ERBB4: variants seen among roughly 807,000 people sequenced by gnomAD.
The protein encoded by ERBB4 is receptor tyrosine-protein kinase erbB-4.
Under a neutral mutation model 158.0 loss-of-function variants are expected in ERBB4, and 42 were observed. The observed-to-expected ratio is 0.27, with a 90% CI of 0.21 to 0.34. ERBB4 has a LOEUF of 0.34. Ranked by LOEUF, ERBB4 falls within the 10% of genes least tolerant of loss-of-function variation. The pLI is 1.00. For synonymous variants in ERBB4, 583 were observed against 558.7 expected (o/e 1.04, Z -0.61); for missense variants, 1,333 against 1,624.1 (o/e 0.82, Z 3.08).
At chr2:211,941,420 G>C (rs2080493029) in intron 3 of ERBB4, among the ~76,000 whole-genome samples, 1 of 152,086 alleles carries the variant, frequency 6.6e-6, no homozygotes, top group South Asian at 2.1e-4. Flanking sequence ...GGTAGTTGAA[G>C]AATGCTTAGC....
At chr2:211,962,427 A>C (rs1028369918) in intron 2 of ERBB4, among the ~76,000 whole-genome samples, 1 of 152,168 alleles carries the variant, frequency 6.6e-6, no homozygotes, top group Non-Finnish European at 1.5e-5. Flanking sequence ...GAGAGAGCCT[A>C]GTGTTGTTCA....
intron 2 of ERBB4, among the ~76,000 whole-genome samples, chr2:212,025,885 A>G (rs2076761425): frequency 6.6e-6 from 1 of 151,640 alleles, no homozygotes. Flanking sequence ...ATTTTCTAAA[A>G]TGTGTTATAT....
chr2:212,271,447 G>A (rs2085340307), intron 1 of ERBB4, among the ~76,000 whole-genome samples: 1 of 151,570 alleles, frequency 6.6e-6, no homozygotes, highest in Non-Finnish European at 1.5e-5. Flanking sequence ...GGAAAATGAT[G>A]CCAAAAGTTA....
intron 20 of ERBB4, among the ~76,000 whole-genome samples, chr2:211,504,426 G>A (rs1026899716): frequency 3.4e-4 from 52 of 151,512 alleles, no homozygotes; most frequent in African/African-American, 1.2e-3. Context: ...ATGTGCAACA[G>A]CTAAACCCTC....
chr2:211,488,988 A>G (rs946948420), intron 20 of ERBB4, among the ~76,000 whole-genome samples: 7 of 152,096 alleles, frequency 4.6e-5, no homozygotes, highest in African/African-American at 1.7e-4. Context: ...CATTAGAGGT[A>G]AATATTTATC....
chr2:212,423,603 C>CAT (rs1269070871), intron 1 of ERBB4, among the ~76,000 whole-genome samples: 1 of 152,102 alleles, frequency 6.6e-6, no homozygotes, highest in Non-Finnish European at 1.5e-5. Context: ...AGTGTACAAA[C>CAT]ATATATATGA....
At chr2:211,611,407 A>AGCTTTACTTTTGGTTTC (rs2069190499) in intron 19 of ERBB4, among the ~76,000 whole-genome samples, 1 of 145,618 alleles carries the variant, frequency 6.9e-6, no homozygotes, top group African/African-American at 2.6e-5. Flanking sequence ...AAGGTGTGGA[A>AGCTTTACTTTTGGTTTC]GCTTTACTTT....
intron 5 of ERBB4, among the ~76,000 whole-genome samples, chr2:211,732,907 G>A (rs1202371420): frequency 1.3e-5 from 2 of 152,194 alleles, no homozygotes; most frequent in African/African-American, 4.8e-5. Flanking sequence ...AACCCGGGAG[G>A]CGGAGGTTGC....
chr2:211,770,395 C>T lies in ERBB4; in HGVS notation c.556+17630G>A, dbSNP rs183965920. Among the ~76,000 whole-genome samples the T allele has an allele frequency of 8.7e-4, 132 of 152,234 alleles. 2 individuals carry two copies. Among genetic ancestry groups the T allele is most frequent in the African/African-American group, 3.0e-3 (125 of 41,536 alleles). ...TCTCTAATTCTTTTTTAAAAACTCA[C>T]CATTTTAAAAAATGTTAGGAGTTAC... On this transcript the variant is annotated intron_variant, in intron 4 of 27. Coordinates refer to ENST00000342788, the MANE Select transcript of ERBB4 (RefSeq NM_005235.3).
intron 1 of ERBB4, among the ~76,000 whole-genome samples, chr2:212,241,193 G>C (rs1370975085): frequency 6.6e-6 from 1 of 151,996 alleles, no homozygotes; most frequent in Non-Finnish European, 1.5e-5. Flanking sequence ...GGAGGTTGAG[G>C]CTGCAGCGGG....
At chr2:211,722,617 T>C in intron 6 of ERBB4, 83 bp from the exon 7 acceptor site, 1 of 1,355,508 alleles carries the variant, frequency 7.4e-7, no homozygotes, top group Non-Finnish European at 1.1e-6. Context: ...AGGAGAAGTT[T>C]TTTTCTATAA....
At chr2:212,503,818 G>T (rs1243456947) in intron 1 of ERBB4, among the ~76,000 whole-genome samples, 1 of 152,142 alleles carries the variant, frequency 6.6e-6, no homozygotes, top group East Asian at 1.9e-4. Context: ...AATTTTTGAA[G>T]GTCCTGTCTT....
At position 211,382,600 on chromosome 2, in the gene ERBB4, G is replaced by T. The variant is rs76182521; in HGVS notation, c.*1015C>A. ...CCAGTGTGTTTCTTCCAGTTCAATG[G>T]ATTCCCTCATTGGGCCACCCCTGAA... On this transcript the variant is annotated 3_prime_UTR_variant, in exon 28 of 28. Coordinates refer to ENST00000342788, the MANE Select transcript of ERBB4 (RefSeq NM_005235.3). 7.5e-3 allele frequency: 1,756 copies of T among 232,888 alleles called. 36 individuals are homozygous for T. The highest frequency in any genetic ancestry group is 0.036 in the African/African-American group (1,646 of 45,370). The allele number at this position is 232,888 out of a possible 1,614,324, so 14.4% of individuals were successfully genotyped here.
intron 20 of ERBB4, among the ~76,000 whole-genome samples, chr2:211,543,673 G>A (rs977345776): frequency 6.6e-6 from 1 of 151,652 alleles, no homozygotes. Flanking sequence ...TCTGTATTTT[G>A]TATCACAGTC....
chr2:211,743,136 G>A (rs1395740531), intron 5 of ERBB4, among the ~76,000 whole-genome samples: 1 of 152,056 alleles, frequency 6.6e-6, no homozygotes, highest in African/African-American at 2.4e-5. Context: ...AATAAATAAT[G>A]TTTTTAACCT....
chr2:211,865,313 G>A (rs1417475108), intron 3 of ERBB4, among the ~76,000 whole-genome samples: 2 of 151,800 alleles, frequency 1.3e-5, no homozygotes, highest in East Asian at 1.9e-4. Flanking sequence ...TCTGGAAAAC[G>A]CATACCATAT....
intron 4 of ERBB4, chr2:211,779,080 G>A (rs936488499): frequency 8.5e-5 from 13 of 152,130 alleles, no homozygotes; most frequent in African/African-American, 3.1e-4. Flanking sequence ...GACTTCTTAG[G>A]ATTTATCATA....
rs571265253 is a variant in ERBB4, at chr2:212,229,675, T to G, written c.83-104772A>C. ...TGAAGCTAGAAGGGAAGTTTAGGGC[T>G]GTTACAGCTTATCCAGGTGATAAAT... On this transcript the variant is annotated intron_variant, in intron 1 of 27. Coordinates refer to ENST00000342788, the MANE Select transcript of ERBB4 (RefSeq NM_005235.3). Among the ~76,000 whole-genome samples, 5 of 152,278 alleles carry G rather than the reference T, an allele frequency of 3.3e-5. 1 individual carries two copies. In the South Asian group the frequency reaches 1.0e-3, roughly 32 times the overall value.
At chr2:211,384,878 A>G (rs1241987732) in intron 27 of ERBB4, among the ~76,000 whole-genome samples, 1 of 152,132 alleles carries the variant, frequency 6.6e-6, no homozygotes, top group Admixed American at 6.5e-5. Context: ...TCCATCTAGT[A>G]TAGGTATTGG....
Sources: gnomAD v4.1 joint callset for allele counts (sites outside exome capture counted in the v4.1 genomes callset) on GRCh38, gnomAD v4.1.1 for gene constraint, MANE v1.5 for transcripts, NCBI Gene and HGNC (gene_info 2026-07-23, HGNC 2026-07-21) for gene names.